TNFSF4: variants seen among roughly 807,000 people sequenced by gnomAD.
TNFSF4 encodes the protein tumor necrosis factor ligand superfamily member 4.
Under a neutral mutation model 7.3 loss-of-function variants are expected in TNFSF4, and 4 were observed. The ratio of observed to expected loss-of-function variants is 0.55; its 90% CI spans 0.27 to 1.25. The LOEUF (loss-of-function observed/expected upper bound fraction) is 1.25. Among genes scored for constraint, TNFSF4 ranks in the 50% most tolerant of loss-of-function variants. The pLI, the probability that TNFSF4 is intolerant of heterozygous loss-of-function variation, is 0.12. For missense variants in TNFSF4, 181 were observed against 208.8 expected, an observed-to-expected ratio of 0.87 and a Z score of 0.82; for synonymous variants, 76 against 83.7, an observed-to-expected ratio of 0.91 and a Z score of 0.50.
At chr1:173,327,274 C>T in the TNFSF4 span, among the ~76,000 whole-genome samples, 6 of 152,150 alleles carry the variant, frequency 3.9e-5, no homozygotes, top group Admixed American at 3.3e-4. Flanking sequence ...GGAAAGGATT[C>T]CCTATTTAAT....
the TNFSF4 span, among the ~76,000 whole-genome samples, chr1:173,244,566 C>T: frequency 1.9e-4 from 27 of 144,302 alleles, no homozygotes; most frequent in African/African-American, 4.8e-4. Context: ...GGCGTGAACC[C>T]GGGAGGTGGA....
the TNFSF4 span, among the ~76,000 whole-genome samples, chr1:173,325,639 A>G: frequency 6.6e-6 from 1 of 152,206 alleles, no homozygotes; most frequent in South Asian, 2.1e-4. Context: ...AAAGAAGAAA[A>G]GAGAGAAGAA....
Position 173,186,463 on chromosome 1 carries a change from C to A in TNFSF4, c.*53G>T. 6.9e-7 allele frequency: 1 copy of A among 1,451,300 alleles called. No homozygotes were observed. Among genetic ancestry groups the A allele is most frequent in the Admixed American group, 1.8e-5 (1 of 54,446 alleles). The allele number at this position is 1,451,300 out of a possible 1,614,324, so 89.9% of individuals were successfully genotyped here. ...AATGAAGAATCCATGCCCTGTCCAC[C>A]CCCAGCTTGGTGTTCATGCTGGTGC... On this transcript the variant is annotated 3_prime_UTR_variant, in exon 3 of 3. Transcript: ENST00000281834.
chr1:173,270,031 C>T, the TNFSF4 span, among the ~76,000 whole-genome samples: 1 of 152,074 alleles, frequency 6.6e-6, no homozygotes, highest in African/African-American at 2.4e-5. Context: ...ACTCTGAAAG[C>T]AGATGTGATA....
chr1:173,345,454 CAAT>C, the TNFSF4 span, among the ~76,000 whole-genome samples: 7 of 152,176 alleles, frequency 4.6e-5, no homozygotes, highest in East Asian at 5.8e-4. Context: ...CTGAAAACAA[CAAT>C]GAGTGGAGAT....
the TNFSF4 span, among the ~76,000 whole-genome samples, chr1:173,298,138 G>T: frequency 6.6e-6 from 1 of 151,838 alleles, no homozygotes; most frequent in African/African-American, 2.4e-5. Flanking sequence ...CAAAAAGAGA[G>T]AGCAATAAAG....
chr1:173,383,999 C>T, the TNFSF4 span, among the ~76,000 whole-genome samples: 3 of 152,244 alleles, frequency 2.0e-5, no homozygotes, highest in African/African-American at 2.4e-5. Flanking sequence ...CCATCATCAT[C>T]TTCTTTACCC....
chr1:173,364,587 A>AC, the TNFSF4 span, among the ~76,000 whole-genome samples: 2 of 152,130 alleles, frequency 1.3e-5, no homozygotes, highest in Non-Finnish European at 2.9e-5. Flanking sequence ...CAATTTTAAA[A>AC]ATCAACAAAA....
the TNFSF4 span, among the ~76,000 whole-genome samples, chr1:173,176,338 T>G: frequency 2.6e-5 from 4 of 152,142 alleles, no homozygotes; most frequent in African/African-American, 4.8e-5. Flanking sequence ...GAGATATTAT[T>G]AATGAGGATA....
the TNFSF4 span, among the ~76,000 whole-genome samples, chr1:173,359,869 G>A: frequency 6.6e-6 from 1 of 152,204 alleles, no homozygotes; most frequent in Non-Finnish European, 1.5e-5. Flanking sequence ...AGCACCCCAC[G>A]TGCTCCCTGA....
chr1:173,326,189 C>T, the TNFSF4 span, among the ~76,000 whole-genome samples: 1 of 152,256 alleles, frequency 6.6e-6, no homozygotes, highest in Non-Finnish European at 1.5e-5. Flanking sequence ...GGCTTCATCC[C>T]TGGGATGCAA....
the TNFSF4 span, among the ~76,000 whole-genome samples, chr1:173,273,354 C>T: frequency 6.6e-6 from 1 of 152,118 alleles, no homozygotes; most frequent in Non-Finnish European, 1.5e-5. Context: ...ATGTCTTATT[C>T]TTCCTAGTGC....
chr1:173,393,851 C>T, the TNFSF4 span, among the ~76,000 whole-genome samples: 2 of 152,142 alleles, frequency 1.3e-5, no homozygotes, highest in African/African-American at 4.8e-5. Context: ...TCTGTACTTT[C>T]AATGAACTTA....
chr1:173,205,194 T>C lies in TNFSF4; in HGVS notation c.153+1830A>G, dbSNP rs896232434. The C allele has an allele frequency of 8.1e-6, 10 of 1,238,832 alleles. 1 individual carries two copies. In the Admixed American group the frequency reaches 2.1e-4, roughly 26 times the overall value. 76.7% of individuals were successfully genotyped at this position (1,238,832 alleles called of 1,614,324 possible). A position where few individuals can be genotyped will look rare whatever the true frequency, so the allele number is the denominator to read the frequency against. ...ATCCTGAGCAAAAAAAAGAAATCTA[T>C]TTTCAGAGTAGACAGGGCATGTTTC... On this transcript the variant is annotated intron_variant, in intron 1 of 2. Coordinates refer to ENST00000281834, the MANE Select transcript of TNFSF4 (RefSeq NM_003326.5).
At chr1:173,446,596 C>T in the TNFSF4 span, among the ~76,000 whole-genome samples, 2 of 152,174 alleles carry the variant, frequency 1.3e-5, no homozygotes, top group African/African-American at 4.8e-5. Flanking sequence ...CTGGGAGAGG[C>T]AGACCCCCCC....
chr1:173,224,461 C>T, the TNFSF4 span, among the ~76,000 whole-genome samples: 3 of 152,246 alleles, frequency 2.0e-5, no homozygotes, highest in Admixed American at 6.5e-5. Context: ...TTTTTTTATG[C>T]CTCATGCTAC....
chr1:173,439,199 A>G, the TNFSF4 span, among the ~76,000 whole-genome samples: 2 of 152,238 alleles, frequency 1.3e-5, no homozygotes, highest in Non-Finnish European at 2.9e-5. Flanking sequence ...ATTTCAGAAC[A>G]AAGAGCTTCT....
the TNFSF4 span, among the ~76,000 whole-genome samples, chr1:173,275,182 G>C: frequency 6.6e-6 from 1 of 152,072 alleles, no homozygotes; most frequent in Non-Finnish European, 1.5e-5. Context: ...TTGTCCCTAA[G>C]TCCCATCAGG....
chr1:173,307,977 A>T, the TNFSF4 span, among the ~76,000 whole-genome samples: 1 of 151,954 alleles, frequency 6.6e-6, no homozygotes, highest in Non-Finnish European at 1.5e-5. Flanking sequence ...AGTAAGGTGG[A>T]GCACCTGGTC....
Sources: allele counts gnomAD v4.1 joint callset (sites outside exome capture counted in the v4.1 genomes callset), GRCh38; gene constraint gnomAD v4.1.1; transcripts MANE v1.5; gene names NCBI Gene and HGNC (gene_info 2026-07-23, HGNC 2026-07-21).